Variants in PDE10A observed in about 807,000 individuals in gnomAD.
PDE10A encodes phosphodiesterase 10A.
In PDE10A, 39 loss-of-function variants were observed where a neutral mutation model predicts 97.7. That is an observed-to-expected ratio of 0.40 (90% CI 0.31 to 0.52). PDE10A has a LOEUF of 0.52. Among genes scored for constraint, PDE10A ranks in the 20% least tolerant of loss-of-function variants. The pLI, the probability that PDE10A is intolerant of heterozygous loss-of-function variation, is 0.56. For synonymous variants in PDE10A, 371 were observed against 376.8 expected, an observed-to-expected ratio of 0.98 and a Z score of 0.18; for missense variants, 731 against 1,047.8, an observed-to-expected ratio of 0.70 and a Z score of 4.17.
chr6:165,688,683 C>G (rs1049519751), intron 1 of PDE10A, among the ~76,000 whole-genome samples: 2 of 152,224 alleles, frequency 1.3e-5, no homozygotes, highest in African/African-American at 4.8e-5. Flanking sequence ...AGGGGAAGAA[C>G]AGTGACTATG....
chr6:165,381,671 C>T (rs1411121670), intron 17 of PDE10A, among the ~76,000 whole-genome samples: 3 of 137,570 alleles, frequency 2.2e-5, no homozygotes, highest in Non-Finnish European at 3.1e-5. Flanking sequence ...TTAGTAGAGA[C>T]GGAGTTTCAC....
intron 1 of PDE10A, among the ~76,000 whole-genome samples, chr6:165,796,749 T>C (rs747180740): frequency 1.2e-4 from 19 of 152,228 alleles, no homozygotes; most frequent in Admixed American, 2.0e-4. Flanking sequence ...TCCAGGTGCA[T>C]GCACTGCATT....
intron 3 of PDE10A, among the ~76,000 whole-genome samples, chr6:165,455,234 G>A (rs1383058548): frequency 1.3e-5 from 2 of 152,074 alleles, no homozygotes; most frequent in Non-Finnish European, 2.9e-5. Context: ...CTCCACTGAG[G>A]AGTACCAATC....
chr6:165,943,048 C>G lies in PDE10A; in HGVS notation c.-615+44481G>C, dbSNP rs540368376. Reference sequence around the variant, plus strand: ...ACCCACCCATAGGATTTTAGATAGCCCTTGTATTAGTCAGGGTGCTCCAGA... The same window carrying G: ...ACCCACCCATAGGATTTTAGATAGCGCTTGTATTAGTCAGGGTGCTCCAGA... On this transcript the variant is annotated intron_variant, in intron 1 of 19. Transcript: ENST00000366882. Among the ~76,000 whole-genome samples, 4 of 150,810 alleles carry G rather than the reference C, an allele frequency of 2.7e-5. No individual in the cohort carries two copies. In the East Asian group the frequency reaches 5.9e-4, roughly 22 times the overall value.
chr6:165,594,689 T>C (rs1400523338), intron 1 of PDE10A, among the ~76,000 whole-genome samples: 6 of 152,208 alleles, frequency 3.9e-5, no homozygotes, highest in African/African-American at 1.4e-4. Context: ...AGAAATATTA[T>C]ATTCACAAGA....
At chr6:165,674,410 A>G (rs1428150647) in intron 1 of PDE10A, among the ~76,000 whole-genome samples, 1 of 151,826 alleles carries the variant, frequency 6.6e-6, no homozygotes, top group South Asian at 2.1e-4. Flanking sequence ...CCAGCTGCCC[A>G]TGGAAGTTCC....
intron 1 of PDE10A, chr6:165,576,521 A>G (rs1265743167): frequency 7.8e-6 from 6 of 767,400 alleles, no homozygotes; most frequent in Admixed American, 1.8e-5. Flanking sequence ...GATGACTTCT[A>G]TATCTATACC....
chr6:165,602,812 C>T (rs1361183979), intron 1 of PDE10A, among the ~76,000 whole-genome samples: 4 of 152,056 alleles, frequency 2.6e-5, no homozygotes, highest in African/African-American at 9.7e-5. Flanking sequence ...AAGAAGACGG[C>T]CACCTCTCAA....
chr6:165,733,869 G>C (rs946921044), intron 1 of PDE10A, among the ~76,000 whole-genome samples: 19 of 78,980 alleles, frequency 2.4e-4, no homozygotes, highest in Non-Finnish European at 4.4e-4. Flanking sequence ...ATCTGGTCTA[G>C]GAAGAAAAAA....
chr6:165,767,257 A>G (rs1232097197), intron 1 of PDE10A, among the ~76,000 whole-genome samples: 1 of 152,258 alleles, frequency 6.6e-6, no homozygotes, highest in Non-Finnish European at 1.5e-5. Flanking sequence ...ATGTAAATGT[A>G]TACTTGTTTT....
At chr6:165,973,195 G>A (rs1342955669) in intron 1 of PDE10A, among the ~76,000 whole-genome samples, 1 of 152,186 alleles carries the variant, frequency 6.6e-6, no homozygotes, top group African/African-American at 2.4e-5. Context: ...GAGGCTGGCA[G>A]ATCACATGAG....
intron 1 of PDE10A, among the ~76,000 whole-genome samples, chr6:165,691,597 A>G (rs1267388357): frequency 4.3e-4 from 61 of 141,746 alleles, no homozygotes; most frequent in African/African-American, 1.4e-3. Flanking sequence ...GCGCGCACAC[A>G]CACACACACA....
At chr6:165,430,007 TA>T (rs1789439927) in intron 9 of PDE10A, among the ~76,000 whole-genome samples, 1 of 152,126 alleles carries the variant, frequency 6.6e-6, no homozygotes, top group Non-Finnish European at 1.5e-5. Context: ...TAAATAGAGA[TA>T]TTTAGTGTCT....
At chr6:165,366,024 T>G (rs1205153535) in intron 18 of PDE10A, among the ~76,000 whole-genome samples, 1 of 152,028 alleles carries the variant, frequency 6.6e-6, no homozygotes, top group African/African-American at 2.4e-5. Flanking sequence ...GGCACAAAAT[T>G]AGAAAATTTA....
At position 165,585,464 on chromosome 6, in the gene PDE10A, A is replaced by G. The variant is rs906649603; in HGVS notation, c.866-41896T>C. ...ATCCTTGATAATCTTAGGGGGACCTACGTGCAATCACACGTATCCTTAAAA... is the reference window on the plus strand; with the variant it reads ...ATCCTTGATAATCTTAGGGGGACCTGCGTGCAATCACACGTATCCTTAAAA... On this transcript the variant is annotated intron_variant, in intron 1 of 21. Transcript: ENST00000539869. 3.3e-5 allele frequency among the ~76,000 whole-genome samples: 5 copies of G among 152,188 alleles called. No homozygotes were observed. The South Asian group carries it at 6.2e-4, about 19-fold the overall frequency.
chr6:165,869,921 C>T (rs1229765222), intron 1 of PDE10A, among the ~76,000 whole-genome samples: 2 of 152,080 alleles, frequency 1.3e-5, no homozygotes, highest in Non-Finnish European at 2.9e-5. Flanking sequence ...GGACCCCTGC[C>T]TCTCATCATA....
rs1318110928 is a variant in PDE10A, at chr6:165,543,561, T to A, written c.873A>T (p.Thr291=). Reference sequence around the variant, plus strand: ...AAAGATATGCCTTCACTTTTTCATCTGTCAAACCTGTAAAAGAATTGAAAA... The same window carrying A: ...AAAGATATGCCTTCACTTTTTCATCAGTCAAACCTGTAAAAGAATTGAAAA... ...LTECFLSPSL[T]DEKVKAYLSL... is the part of the protein sequence containing the mutation. The change falls in exon 2 of 22, where the codon ACA becomes ACT. Residue 291 remains threonine (T), a synonymous_variant. Coordinates refer to ENST00000539869, the MANE Select transcript of PDE10A (RefSeq NM_001385079.1). The A allele has an allele frequency of 1.2e-6, 2 of 1,606,126 alleles. No homozygotes were observed. The highest frequency in any genetic ancestry group is 2.2e-5 in the South Asian group (2 of 89,946).
chr6:165,956,872 T>C (rs1325576372), intron 1 of PDE10A, among the ~76,000 whole-genome samples: 1 of 152,190 alleles, frequency 6.6e-6, no homozygotes, highest in African/African-American at 2.4e-5. Flanking sequence ...AATCAACCTT[T>C]ACTTAAGGAG....
At chr6:165,435,725 G>C (rs1789968527) in intron 5 of PDE10A, among the ~76,000 whole-genome samples, 1 of 152,022 alleles carries the variant, frequency 6.6e-6, no homozygotes, top group Admixed American at 6.5e-5. Context: ...ACACACACAG[G>C]GTCCAACCTC....
Sources: gnomAD v4.1 joint callset for allele counts (sites outside exome capture counted in the v4.1 genomes callset) on GRCh38, gnomAD v4.1.1 for gene constraint, MANE v1.5 for transcripts, NCBI Gene and HGNC (gene_info 2026-07-23, HGNC 2026-07-21) for gene names.